Variants in COL24A1 observed in about 807,000 individuals in gnomAD.
COL24A1 encodes the protein collagen type XXIV alpha 1 chain.
In COL24A1, 224 loss-of-function variants were observed where a neutral mutation model predicts 253.9. The ratio of observed to expected loss-of-function variants is 0.88; its 90% CI spans 0.79 to 0.99. The LOEUF is 0.99. Among genes scored for constraint, COL24A1 ranks in the 50% least tolerant of loss-of-function variants. The pLI, the probability that COL24A1 is intolerant of heterozygous loss-of-function variation, is 0.00. For missense variants in COL24A1, 2,131 were observed against 2,068.5 expected (o/e 1.03, Z -0.59); for synonymous variants, 685 against 673.7 (o/e 1.02, Z -0.26).
intron 56 of COL24A1, 151 bp from the exon 57 acceptor site, chr1:85,744,985 G>T: frequency 1.8e-6 from 1 of 569,960 alleles, no homozygotes; most frequent in South Asian, 2.9e-5. Flanking sequence ...ATATGTGTAT[G>T]CTTTAATAAC....
chr1:86,114,583 C>T (rs1705941574), intron 4 of COL24A1, among the ~76,000 whole-genome samples: 1 of 151,738 alleles, frequency 6.6e-6, no homozygotes, highest in Admixed American at 6.6e-5. Flanking sequence ...AGCTAGAGCC[C>T]AATGAGAATT....
intron 57 of COL24A1, among the ~76,000 whole-genome samples, chr1:85,740,148 C>T (rs983695949): frequency 6.6e-6 from 1 of 152,194 alleles, no homozygotes; most frequent in Non-Finnish European, 1.5e-5. Context: ...TTCTCCCTAA[C>T]CTGTGCCTAT....
At chr1:85,759,519 G>A (rs918975354) in intron 55 of COL24A1, among the ~76,000 whole-genome samples, 4 of 152,066 alleles carry the variant, frequency 2.6e-5, no homozygotes, top group African/African-American at 9.7e-5. Context: ...TCCTACAACG[G>A]ACTCTGCAAG....
intron 24 of COL24A1, among the ~76,000 whole-genome samples, chr1:85,922,875 A>G (rs879379563): frequency 5.8e-4 from 89 of 152,352 alleles, no homozygotes; most frequent in Admixed American, 2.2e-3. Flanking sequence ...GGACTGGCAA[A>G]TTGGATAAAG....
intron 47 of COL24A1, among the ~76,000 whole-genome samples, chr1:85,802,197 T>C (rs1382743681): frequency 6.6e-6 from 1 of 152,180 alleles, no homozygotes; most frequent in Non-Finnish European, 1.5e-5. Flanking sequence ...AATTGGATAA[T>C]GTCTCTCCTG....
chr1:85,849,235 C>T (rs1056278125), intron 38 of COL24A1, 118 bp downstream of exon 38: 3 of 546,044 alleles, frequency 5.5e-6, no homozygotes, highest in Non-Finnish European at 9.5e-6. Context: ...TTTAAAGCAA[C>T]ATTTATAATT....
intron 48 of COL24A1, among the ~76,000 whole-genome samples, chr1:85,785,926 A>T (rs1232433098): frequency 6.6e-6 from 1 of 152,240 alleles, no homozygotes; most frequent in African/African-American, 2.4e-5. Flanking sequence ...TTACTGTCAC[A>T]TTAACTCTAA....
intron 10 of COL24A1, among the ~76,000 whole-genome samples, chr1:86,054,724 G>C (rs367603312): frequency 1.3e-4 from 20 of 152,254 alleles, no homozygotes; most frequent in African/African-American, 4.3e-4. Flanking sequence ...CCTGTGGAAA[G>C]AAGTTTGGAA....
intron 24 of COL24A1, among the ~76,000 whole-genome samples, chr1:85,915,395 C>T (rs1185847240): frequency 6.6e-6 from 1 of 152,188 alleles, no homozygotes; most frequent in East Asian, 1.9e-4. Flanking sequence ...TGGAACTATA[C>T]TGGATTTCTA....
At chr1:85,764,839 C>G (rs2101150753) in intron 53 of COL24A1, among the ~76,000 whole-genome samples, 1 of 152,152 alleles carries the variant, frequency 6.6e-6, no homozygotes, top group Non-Finnish European at 1.5e-5. Context: ...CTTTGAACTC[C>G]TGGGCTCAAG....
rs765542339 is a variant in COL24A1, at chr1:85,730,574, A to G, written c.5117T>C (p.Ile1706Thr). 6.2e-7 allele frequency: 1 copy of G among 1,614,000 alleles called. No individual in the cohort carries two copies. Among genetic ancestry groups the G allele is most frequent in the Non-Finnish European group, 8.5e-7 (1 of 1,179,886 alleles). Reference sequence around the variant, plus strand: ...CAGAAAGCATACAGAACTGCTGTCAATGTAATACTTTCGTTCAGTTTTGAG... The same window carrying G: ...CAGAAAGCATACAGAACTGCTGTCAGTGTAATACTTTCGTTCAGTTTTGAG... ...PHLKTERKYY[I>T]DSSSVCFL The change falls in exon 60 of 60, where the codon ATT becomes ACT. Residue 1706 changes from isoleucine (I) to threonine (T), a missense_variant. Physicochemically the swap from Ile to Thr is moderately conservative, Grantham distance 89. Transcript: ENST00000370571.
chr1:85,784,593 T>C (rs950874755), intron 48 of COL24A1, among the ~76,000 whole-genome samples: 6 of 151,956 alleles, frequency 3.9e-5, no homozygotes, highest in African/African-American at 1.4e-4. Context: ...ATTCCAGAGA[T>C]TGTGGTGATG....
chr1:85,800,982 C>T (rs1671369494), intron 47 of COL24A1, among the ~76,000 whole-genome samples: 1 of 152,166 alleles, frequency 6.6e-6, no homozygotes, highest in African/African-American at 2.4e-5. Context: ...ACAACATCAA[C>T]ACAAAAACCC....
intron 10 of COL24A1, among the ~76,000 whole-genome samples, chr1:86,056,028 GA>G (rs1368746876): frequency 6.6e-6 from 1 of 151,176 alleles, no homozygotes; most frequent in Non-Finnish European, 1.5e-5. Flanking sequence ...TGAGGCAGGA[GA>G]ATCACTTGAA....
intron 12 of COL24A1, among the ~76,000 whole-genome samples, chr1:86,037,414 T>G (rs1177706720): frequency 6.6e-6 from 1 of 152,194 alleles, no homozygotes; most frequent in Non-Finnish European, 1.5e-5. Flanking sequence ...TTTGATGAAG[T>G]AAGCAGCTGT....
chr1:85,758,440 A>C (rs1666505780), intron 55 of COL24A1, among the ~76,000 whole-genome samples: 1 of 152,064 alleles, frequency 6.6e-6, no homozygotes, highest in South Asian at 2.1e-4. Flanking sequence ...TCTTCCCTTT[A>C]TTCTACTAAT....
At chr1:86,017,037 C>A in intron 19 of COL24A1, 114 bp downstream of exon 19, 4 of 995,802 alleles carry the variant, frequency 4.0e-6, no homozygotes, top group Non-Finnish European at 5.9e-6. Flanking sequence ...TTACGGAGAT[C>A]TAAACTTTAA....
intron 5 of COL24A1, among the ~76,000 whole-genome samples, chr1:86,097,293 T>A (rs776562324): frequency 6.6e-6 from 1 of 152,184 alleles, no homozygotes; most frequent in African/African-American, 2.4e-5. Flanking sequence ...GACTTTTTTG[T>A]CCCTACCACT....
At chr1:86,041,980 G>C (rs1005084931) in intron 12 of COL24A1, among the ~76,000 whole-genome samples, 2 of 152,026 alleles carry the variant, frequency 1.3e-5, no homozygotes, top group African/African-American at 4.8e-5. Context: ...GGCACAGAGA[G>C]CCCCAGGGTA....
Sources: allele counts gnomAD v4.1 joint callset (sites outside exome capture counted in the v4.1 genomes callset), GRCh38; gene constraint gnomAD v4.1.1; transcripts MANE v1.5; gene names NCBI Gene and HGNC (gene_info 2026-07-23, HGNC 2026-07-21).